GSPT1: variants seen among roughly 807,000 people sequenced by gnomAD.
GSPT1 encodes G1 to S phase transition 1, also known as eukaryotic peptide chain release factor GTP-binding subunit ERF3A.
GSPT1 carries 20 observed loss-of-function variants against 72.5 expected under a neutral mutation model. The observed-to-expected ratio is 0.28, with a 90% CI of 0.19 to 0.40. The LOEUF is 0.40. Among genes scored for constraint, GSPT1 ranks in the 10% least tolerant of loss-of-function variants. The probability of loss-of-function intolerance (pLI) is 1.00; values close to 1 mark genes in which losing one functional copy is unlikely to be tolerated. For missense variants in GSPT1, 580 were observed against 811.9 expected (o/e 0.71, Z 3.47); for synonymous variants, 334 against 293.5 (o/e 1.14, Z -1.41).
chr16:11,899,099 G>A (rs2054374591), intron 1 of GSPT1, among the ~76,000 whole-genome samples: 1 of 152,124 alleles, frequency 6.6e-6, no homozygotes, highest in South Asian at 2.1e-4. Context: ...ACGTGCCCCT[G>A]CTTTAAAGAA....
rs145669843 is a variant in GSPT1, at chr16:11,877,011, G to T, written c.1602+396C>A. ...GTCACTTACTCTGTCATTCTCCCAGGGAGGTTAGATTGTTAATAACAGGGA... is the reference window on the plus strand; with the variant it reads ...GTCACTTACTCTGTCATTCTCCCAGTGAGGTTAGATTGTTAATAACAGGGA... On this transcript the variant is annotated intron_variant, in intron 12 of 14. Transcript: ENST00000434724. The surrounding 1 kb of genome is among the most constrained non-coding windows in gnomAD (Gnocchi z 4.0). Among the ~76,000 whole-genome samples, 403 of 152,250 alleles carry T rather than the reference G, an allele frequency of 2.6e-3. No individual in the cohort carries two copies. The highest frequency in any genetic ancestry group is 5.0e-3 in the Non-Finnish European group (341 of 68,028).
intron 1 of GSPT1, among the ~76,000 whole-genome samples, chr16:11,910,317 ACT>A (rs2054542396): frequency 6.6e-6 from 1 of 151,886 alleles, no homozygotes; most frequent in Admixed American, 6.6e-5. Context: ...CCTTCTCTAC[ACT>A]CTCTGCAGGG....
intron 1 of GSPT1, among the ~76,000 whole-genome samples, chr16:11,912,603 T>C (rs1469434429): frequency 6.6e-6 from 1 of 152,190 alleles, no homozygotes; most frequent in African/African-American, 2.4e-5. Context: ...ATCATTACTT[T>C]AGAAGCTCTG....
At chr16:11,900,938 G>A (rs1159434343) in intron 1 of GSPT1, among the ~76,000 whole-genome samples, 4 of 152,108 alleles carry the variant, frequency 2.6e-5, no homozygotes, top group Non-Finnish European at 5.9e-5. Context: ...AAGGTGGGAG[G>A]ATGGCAAGAG....
chr16:11,908,039 C>T (rs1049769682), intron 1 of GSPT1, among the ~76,000 whole-genome samples: 6 of 150,024 alleles, frequency 4.0e-5, no homozygotes, highest in Admixed American at 2.0e-4. Context: ...GTCAGGAGTG[C>T]GAGACCAGCC....
rs993509024 is a variant in GSPT1, at chr16:11,887,453, T to A, written c.957+117A>T. 3.9e-6 allele frequency: 3 copies of A among 777,366 alleles called. No individual in the cohort carries two copies. In the Admixed American group the frequency reaches 7.3e-5, roughly 19 times the overall value. 48.2% of individuals were successfully genotyped at this position (777,366 alleles called of 1,614,324 possible). ...TAGTATGATGAAAACTGTGACCGTG[T>A]ACATCATTATATTTCACTGCAACCT... On this transcript the variant is annotated intron_variant, in intron 7 of 14. Transcript: ENST00000434724.
chr16:11,885,876 G>C (rs931910238), intron 9 of GSPT1, among the ~76,000 whole-genome samples: 3 of 152,118 alleles, frequency 2.0e-5, no homozygotes, highest in Admixed American at 2.0e-4. Flanking sequence ...GGTTAACAGA[G>C]TGAAAACCTG....
In GSPT1 at chr16:11,898,653, G is replaced by A. The variant is rs373485098; in HGVS notation, c.353-618C>T. 1.2e-4 allele frequency among the ~76,000 whole-genome samples: 18 copies of A among 152,116 alleles called. No individual in the cohort carries two copies. In the East Asian group the frequency reaches 1.5e-3, roughly 13 times the overall value. ...TTTAGTAGAGATGGGGTTTCGCCAC[G>A]TTGGTCAGGCTGGTTTTGAACTACG... On this transcript the variant is annotated intron_variant, in intron 1 of 14. Coordinates refer to ENST00000434724, the MANE Select transcript of GSPT1 (RefSeq NM_002094.4).
Position 11,896,705 on chromosome 16 carries a change from C to G in GSPT1, c.517G>C (p.Gly173Arg), listed in dbSNP as rs201696252. ...GGCGGCCTTCCATCTCCCAAGGAAC[C>G]ACCCCCTGGCTCTGCTTCACTTATT... ...EEISEAEPGGGSLGDGRPPEE... is the reference protein window; with the variant it reads ...EEISEAEPGGRSLGDGRPPEE... The change falls in exon 4 of 15, where the codon GGT becomes CGT. Residue 173 changes from glycine to arginine, a missense_variant. This residue lies in a region of GSPT1 where 327 missense variants were observed against 298.8 expected (regional missense o/e 1.09). Transcript: ENST00000434724. The G allele has an allele frequency of 2.7e-5, 44 of 1,607,514 alleles. No homozygotes were observed. The Middle Eastern group carries it at 6.6e-4, about 24-fold the overall frequency.
chr16:11,903,340 G>T (rs1476685275), intron 1 of GSPT1, among the ~76,000 whole-genome samples: 1 of 151,856 alleles, frequency 6.6e-6, no homozygotes, highest in Non-Finnish European at 1.5e-5. Flanking sequence ...GTGAAACCCC[G>T]TCTCTACTAA....
chr16:11,904,301 C>T (rs567325004), intron 1 of GSPT1, among the ~76,000 whole-genome samples: 1 of 152,202 alleles, frequency 6.6e-6, no homozygotes, highest in East Asian at 1.9e-4. Context: ...CTCCTGGGTT[C>T]AAGCGATTCC....
chr16:11,871,206 G>A lies in GSPT1; in HGVS notation c.*1913C>T, dbSNP rs563133115. ...ATAATTATAGTTTTAAGAATCTGTA[G>A]GACAATAACTTTGCTCTGTCCATAA... On this transcript the variant is annotated 3_prime_UTR_variant, in exon 15 of 15. Coordinates refer to ENST00000434724, the MANE Select transcript of GSPT1 (RefSeq NM_002094.4). 74 of 152,196 alleles carry A rather than the reference G, an allele frequency of 4.9e-4. No homozygotes were observed. Among genetic ancestry groups the A allele is most frequent in the African/African-American group, 1.8e-3 (73 of 41,518 alleles). The allele number at this position is 152,196 out of a possible 1,614,324, so 9.4% of individuals were successfully genotyped here.
At chr16:11,875,202 G>A (rs1000759514) in intron 14 of GSPT1, among the ~76,000 whole-genome samples, 1 of 151,618 alleles carries the variant, frequency 6.6e-6, no homozygotes, top group African/African-American at 2.4e-5. Context: ...AAAAGGAAAG[G>A]AAAGGGAAGA....
chr16:11,915,479 T>C lies in GSPT1; in HGVS notation c.242A>G (p.His81Arg). 1.0e-5 allele frequency: 16 copies of C among 1,550,910 alleles called. No homozygotes were observed. Among genetic ancestry groups the C allele is most frequent in the Non-Finnish European group, 1.4e-5 (16 of 1,150,854 alleles). Residue 81 changes from histidine to arginine, a missense_variant, in exon 1 of 15, where the codon CAC becomes CGC. By Grantham distance (29) the His-to-Arg change is conservative (BLOSUM62 0). This residue lies in a region of GSPT1 where 327 missense variants were observed against 298.8 expected (regional missense o/e 1.09). Transcript: ENST00000434724. ...GAAGGACGGCACGAACTCGGCGGCGTGGACGTTGGGCACGAAGGGCTTGGC... is the reference window on the plus strand; with the variant it reads ...GAAGGACGGCACGAACTCGGCGGCGCGGACGTTGGGCACGAAGGGCTTGGC... ...VNAKPFVPNV[H>R]AAEFVPSFLR...
Position 11,877,670 on chromosome 16 carries a change from G to C in GSPT1, c.1429-90C>G. ...TCTGAATGTCTGTCTGCTCAATAAA[G>C]AGTTGCAAGATTTGACTGTAAACAC... On this transcript the variant is annotated intron_variant, in intron 11 of 14. Coordinates refer to ENST00000434724, the MANE Select transcript of GSPT1 (RefSeq NM_002094.4). This position sits in a 1 kb window ranked among gnomAD's most constrained non-coding sequence, Gnocchi z 4.0. 1 of 754,076 alleles carries C rather than the reference G, an allele frequency of 1.3e-6. No individual in the cohort carries two copies. The highest frequency in any genetic ancestry group is 2.0e-6 in the Non-Finnish European group (1 of 490,528). 46.7% of individuals were successfully genotyped at this position (754,076 alleles called of 1,614,324 possible).
intron 9 of GSPT1, among the ~76,000 whole-genome samples, chr16:11,885,994 AAT>A (rs2054182552): frequency 6.6e-6 from 1 of 152,244 alleles, no homozygotes; most frequent in Non-Finnish European, 1.5e-5. Context: ...ATGAAAAAAG[AAT>A]AGTCTTTTCA....
intron 1 of GSPT1, chr16:11,908,628 C>T (rs1400690341): frequency 9.5e-6 from 1 of 105,578 alleles, no homozygotes; most frequent in Non-Finnish European, 1.8e-5. Flanking sequence ...GGCGTAGTGG[C>T]GGGCGCCTGT....
chr16:11,875,949 G>A lies in GSPT1; in HGVS notation c.1693-20C>T, dbSNP rs754026821. 2 of 1,598,532 alleles carry A rather than the reference G, an allele frequency of 1.3e-6. No homozygotes were observed. Among genetic ancestry groups the A allele is most frequent in the Non-Finnish European group, 1.7e-6 (2 of 1,169,662 alleles). On this transcript the variant is annotated intron_variant, in intron 13 of 14. Coordinates refer to ENST00000434724, the MANE Select transcript of GSPT1 (RefSeq NM_002094.4). Reference sequence around the variant, plus strand: ...TAAGGCCTAACCAAGAAAAGAGTATGAGAAAATCAGAATAATGCCAAATAA... The same window carrying A: ...TAAGGCCTAACCAAGAAAAGAGTATAAGAAAATCAGAATAATGCCAAATAA...
chr16:11,891,195 G>T, intron 5 of GSPT1, 56 bp from the exon 6 acceptor site: 1 of 899,714 alleles, frequency 1.1e-6, no homozygotes, highest in South Asian at 1.7e-5. Context: ...TTACTCAGTG[G>T]AATTAGGAAA....
Sources: gnomAD v4.1 joint callset for allele counts (sites outside exome capture counted in the v4.1 genomes callset) on GRCh38, gnomAD v4.1.1 for gene constraint, gnomAD v4.1.1 regional missense constraint, Gnocchi (gnomAD v3.1) non-coding constraint, MANE v1.5 for transcripts, NCBI Gene and HGNC (gene_info 2026-07-23, HGNC 2026-07-21) for gene names.